ANKRD55: variants seen among roughly 807,000 people sequenced by gnomAD.
ANKRD55 encodes ankyrin repeat domain 55, also known as ankyrin repeat domain-containing protein 55.
In ANKRD55, 41 loss-of-function variants were observed where a neutral mutation model predicts 60.6. The observed-to-expected ratio is 0.68, with a 90% CI of 0.53 to 0.88. The LOEUF is 0.88. Among genes scored for constraint, ANKRD55 ranks in the 40% least tolerant of loss-of-function variants. ANKRD55 has a pLI of 0.00. For missense variants in ANKRD55, 732 were observed against 767.6 expected, an observed-to-expected ratio of 0.95 and a Z score of 0.55; for synonymous variants, 264 against 290.3, an observed-to-expected ratio of 0.91 and a Z score of 0.92.
At chr5:56,132,424 C>CAA (rs34289990) in intron 7 of ANKRD55, among the ~76,000 whole-genome samples, 15,999 of 120,208 alleles carry the variant, frequency 0.13, 1,136 homozygotes, top group Middle Eastern at 0.25. Context: ...ACTTAAAATA[C>CAA]AAAAAAAAAA....
chr5:56,112,380 C>A (rs1188705779), intron 9 of ANKRD55, among the ~76,000 whole-genome samples: 1 of 151,450 alleles, frequency 6.6e-6, no homozygotes, highest in Non-Finnish European at 1.5e-5. Flanking sequence ...AAAAAGTATG[C>A]TGAAGAACAG....
At chr5:56,175,236 G>A (rs1053797374) in intron 4 of ANKRD55, among the ~76,000 whole-genome samples, 8 of 152,200 alleles carry the variant, frequency 5.3e-5, no homozygotes, top group African/African-American at 1.9e-4. Flanking sequence ...TTGGGAAAGG[G>A]AAGTGATTTA....
At chr5:56,201,224 T>C (rs1759363026) in intron 2 of ANKRD55, among the ~76,000 whole-genome samples, 1 of 152,152 alleles carries the variant, frequency 6.6e-6, no homozygotes, top group African/African-American at 2.4e-5. Context: ...GAATGACCTA[T>C]CCACAAAGTG....
At chr5:56,105,758 G>A (rs1272862392) in intron 10 of ANKRD55, among the ~76,000 whole-genome samples, 1 of 152,176 alleles carries the variant, frequency 6.6e-6, no homozygotes, top group Non-Finnish European at 1.5e-5. Flanking sequence ...AACGTTTGAT[G>A]GGTTTAGACA....
At chr5:56,141,149 T>A (rs1231006129) in intron 7 of ANKRD55, among the ~76,000 whole-genome samples, 6 of 150,382 alleles carry the variant, frequency 4.0e-5, no homozygotes, top group Admixed American at 3.3e-4. Flanking sequence ...TTTTTTTTTT[T>A]TATATAGAGA....
chr5:56,208,196 A>C lies in ANKRD55; in HGVS notation c.59-24562T>G, dbSNP rs1259826634. 4.7e-4 allele frequency among the ~76,000 whole-genome samples: 72 copies of C among 152,148 alleles called. 1 individual carries two copies. Among genetic ancestry groups the C allele is most frequent in the Non-Finnish European group, 2.9e-5 (2 of 68,028 alleles). On this transcript the variant is annotated intron_variant, in intron 2 of 11. Transcript: ENST00000341048. ...GTCCCACTGGAAGCTCTTCAGGGAC[A>C]GTAACATGCAAAAAACTGTCATCTC...
chr5:56,135,637 A>G (rs7700656), intron 7 of ANKRD55, among the ~76,000 whole-genome samples: 37,738 of 151,906 alleles, frequency 0.25, 6,523 homozygotes, highest in African/African-American at 0.49. Flanking sequence ...CCAAAGTGCT[A>G]GGATTACAGG....
At chr5:56,141,129 A>AGTTTT (rs1757751420) in intron 7 of ANKRD55, among the ~76,000 whole-genome samples, 2 of 70,148 alleles carry the variant, frequency 2.9e-5, no homozygotes, top group Non-Finnish European at 5.5e-5. Context: ...ATGCACACAC[A>AGTTTT]GTTTTTTTTT....
In ANKRD55 at chr5:56,102,504, T is replaced by C. The variant is rs1383358641; in HGVS notation, c.1713A>G (p.Pro571=). The C allele has an allele frequency of 6.2e-7, 1 of 1,610,698 alleles. No homozygotes were observed. The highest frequency in any genetic ancestry group is 1.1e-5 in the South Asian group (1 of 90,850). ...PFTRNNLAPL[P]DQKFLSGEPL... is the part of the protein sequence containing the mutation. Reference sequence around the variant, plus strand: ...ATTCATAATACTTACATTTTTGATCTGGTAGGGGAGCTAGGTTGTTCCGAG... The same window carrying C: ...ATTCATAATACTTACATTTTTGATCCGGTAGGGGAGCTAGGTTGTTCCGAG... The change falls in exon 11 of 12, where the codon CCA becomes CCG. Residue 571 remains proline, a synonymous_variant. Coordinates refer to ENST00000341048, the MANE Select transcript of ANKRD55 (RefSeq NM_024669.3).
chr5:56,206,032 G>A (rs1561292001), intron 2 of ANKRD55, among the ~76,000 whole-genome samples: 1 of 145,212 alleles, frequency 6.9e-6, no homozygotes, highest in Non-Finnish European at 1.5e-5. Context: ...CTGGAGTTTA[G>A]TGGTGCAATC....
In ANKRD55 at chr5:56,107,371, G is replaced by T. The variant is rs183858364; in HGVS notation, c.1630+3747C>A. On this transcript the variant is annotated intron_variant, in intron 10 of 11. Coordinates refer to ENST00000341048, the MANE Select transcript of ANKRD55 (RefSeq NM_024669.3). The stretch of plus-strand genomic sequence containing the variant: ...TTCACCTTCCCCTTTCTGCTATTCT[G>T]CTGTCCCAGGATTTTTCTAGTTATT... 3.4e-3 allele frequency among the ~76,000 whole-genome samples: 510 copies of T among 152,218 alleles called. 3 individuals are homozygous for T. The highest frequency in any genetic ancestry group is 0.011 in the African/African-American group (471 of 41,510).
intron 1 of ANKRD55, 135 bp from the exon 2 acceptor site, chr5:56,233,081 A>G: frequency 4.7e-6 from 3 of 640,560 alleles, no homozygotes; most frequent in Non-Finnish European, 5.6e-6. Context: ...AGGTGATGAA[A>G]ATAGGTAAAT....
intron 3 of ANKRD55, among the ~76,000 whole-genome samples, chr5:56,177,903 G>C (rs1377683027): frequency 6.6e-6 from 1 of 152,098 alleles, no homozygotes; most frequent in Admixed American, 6.5e-5. Context: ...TTTCTTCAGG[G>C]AACACCTTCC....
intron 10 of ANKRD55, among the ~76,000 whole-genome samples, chr5:56,103,533 C>G (rs573882448): frequency 6.6e-6 from 1 of 152,130 alleles, no homozygotes; most frequent in Non-Finnish European, 1.5e-5. Flanking sequence ...CAGAATTAGG[C>G]TTGATTCCCT....
chr5:56,232,554 T>C (rs1249407528), intron 2 of ANKRD55, among the ~76,000 whole-genome samples: 1 of 152,156 alleles, frequency 6.6e-6, no homozygotes, highest in African/African-American at 2.4e-5. Flanking sequence ...GTGCTTGAAA[T>C]CCAGTTTTTA....
intron 2 of ANKRD55, among the ~76,000 whole-genome samples, chr5:56,185,891 A>G (rs1228805556): frequency 6.6e-6 from 1 of 152,234 alleles, no homozygotes; most frequent in East Asian, 1.9e-4. Context: ...ATTGGAAATG[A>G]TTCACTTATG....
intron 7 of ANKRD55, among the ~76,000 whole-genome samples, chr5:56,140,347 C>T (rs531411031): frequency 3.2e-4 from 48 of 152,286 alleles, no homozygotes; most frequent in African/African-American, 1.1e-3. Context: ...TACTGCTAAC[C>T]ATAGGGAAGG....
At chr5:56,215,486 C>T (rs2111880353) in intron 2 of ANKRD55, among the ~76,000 whole-genome samples, 1 of 152,338 alleles carries the variant, frequency 6.6e-6, no homozygotes, top group East Asian at 1.9e-4. Context: ...GGCTGTTGTC[C>T]CTGCCAGCTC....
chr5:56,191,939 G>A (rs1052598224), intron 2 of ANKRD55, among the ~76,000 whole-genome samples: 9 of 152,192 alleles, frequency 5.9e-5, no homozygotes, highest in Non-Finnish European at 7.3e-5. Context: ...AAATGAGGAA[G>A]CATGATGTAG....
Sources: gnomAD v4.1 joint callset for allele counts (sites outside exome capture counted in the v4.1 genomes callset) on GRCh38, gnomAD v4.1.1 for gene constraint, MANE v1.5 for transcripts, NCBI Gene and HGNC (gene_info 2026-07-23, HGNC 2026-07-21) for gene names.